The following NHLH1 variants were observed in gnomAD, a reference collection of about 807,000 sequenced individuals.
The protein encoded by NHLH1 is helix-loop-helix protein 1.
In NHLH1, 3 loss-of-function variants were observed where a neutral mutation model predicts 6.7. The observed-to-expected ratio is 0.44, with a 90% CI of 0.20 to 1.15. The LOEUF is 1.15. Among genes scored for constraint, NHLH1 ranks in the 50% most tolerant of loss-of-function variants. The pLI, the probability that NHLH1 is intolerant of heterozygous loss-of-function variation, is 0.26. For missense variants in NHLH1, 177 were observed against 189.5 expected (o/e 0.93, Z 0.39); for synonymous variants, 92 against 84.2 (o/e 1.09, Z -0.51).
At chr1:160,367,941 C>T (rs1403064265) in intron 1 of NHLH1, among the ~76,000 whole-genome samples, 1 of 141,342 alleles carries the variant, frequency 7.1e-6, no homozygotes, top group East Asian at 1.9e-4. Flanking sequence ...GCCATCCCCC[C>T]ATAGTTCATT....
intron 1 of NHLH1, among the ~76,000 whole-genome samples, chr1:160,368,361 C>T (rs1437279833): frequency 6.6e-6 from 1 of 152,176 alleles, no homozygotes; most frequent in Non-Finnish European, 1.5e-5. Context: ...CTCCTCTGGT[C>T]CTAGGACAAG....
At chr1:160,367,831 G>A (rs1324063142) in intron 1 of NHLH1, among the ~76,000 whole-genome samples, 2 of 152,164 alleles carry the variant, frequency 1.3e-5, no homozygotes, top group Admixed American at 1.3e-4. Flanking sequence ...TGGGAACTCC[G>A]CAGCTGAACT....
At position 160,372,368 on chromosome 1, in the gene NHLH1, T is replaced by TGTAC. The variant is rs1372202915; in HGVS notation, c.*1235_*1236insGTAC. The TGTAC allele has an allele frequency of 1.1e-3, 132 of 125,178 alleles. No individual in the cohort carries two copies. Among genetic ancestry groups the TGTAC allele is most frequent in the Middle Eastern group, 4.4e-3 (1 of 226 alleles). The allele number at this position is 125,178 out of a possible 1,614,324, so 7.8% of individuals were successfully genotyped here. ...ATTTATTTATTTATTCATCTATTTATTTACTTATTTATTTATTTATAAATA... is the reference window on the plus strand; with the variant it reads ...ATTTATTTATTTATTCATCTATTTATGTACTTACTTATTTATTTATTTATAAATA... On this transcript the variant is annotated 3_prime_UTR_variant, in exon 2 of 2. Transcript: ENST00000302101.
chr1:160,367,547 T>C (rs1649516109), intron 1 of NHLH1, among the ~76,000 whole-genome samples: 1 of 152,054 alleles, frequency 6.6e-6, no homozygotes, highest in African/African-American at 2.4e-5. Context: ...GGGTGGGAAG[T>C]CCTGTCCTGC....
chr1:160,369,180 A>G (rs957385949), intron 1 of NHLH1, among the ~76,000 whole-genome samples: 1 of 152,230 alleles, frequency 6.6e-6, no homozygotes, highest in Non-Finnish European at 1.5e-5. Context: ...TACCTCATAT[A>G]AGTGGAGCTA....
Position 160,371,034 on chromosome 1 carries a change from G to T in NHLH1, c.303G>T (p.Leu101=), listed in dbSNP as rs1384566683. 1 of 1,614,068 alleles carries T rather than the reference G, an allele frequency of 6.2e-7. No homozygotes were observed. Among genetic ancestry groups the T allele is most frequent in the Non-Finnish European group, 8.5e-7 (1 of 1,179,986 alleles). ...TGGCCTTCGCCGAGCTGCGCAAGCT[G>T]CTGCCTACGCTGCCCCCCGACAAGA... is the stretch of plus-strand genomic sequence containing the variant. ...FNLAFAELRK[L]LPTLPPDKKL... Residue 101 remains leucine (L), a synonymous_variant, in exon 2 of 2, where the codon CTG becomes CTT. Coordinates refer to ENST00000302101, the MANE Select transcript of NHLH1 (RefSeq NM_005598.4).
chr1:160,367,840 C>T (rs981358490), intron 1 of NHLH1, among the ~76,000 whole-genome samples: 1 of 152,168 alleles, frequency 6.6e-6, no homozygotes, highest in Admixed American at 6.5e-5. Context: ...CGCAGCTGAA[C>T]TCCTGCTCCC....
At chr1:160,368,716 C>T (rs995082745) in intron 1 of NHLH1, among the ~76,000 whole-genome samples, 5 of 152,118 alleles carry the variant, frequency 3.3e-5, no homozygotes, top group Admixed American at 2.0e-4. Context: ...GGGGCAGCTG[C>T]GCAGAGCTCC....
chr1:160,370,374 G>C (rs1649594241), intron 1 of NHLH1, among the ~76,000 whole-genome samples, 183 bp from the exon 2 acceptor site: 1 of 150,802 alleles, frequency 6.6e-6, no homozygotes, highest in South Asian at 2.1e-4. Flanking sequence ...CTTTCACCCT[G>C]TCCACCTGCC....
rs1649638396 is a variant in NHLH1, at chr1:160,371,963, G to T, written c.*830G>T. 6.0e-6 allele frequency: 1 copy of T among 166,802 alleles called. No individual in the cohort carries two copies. Among genetic ancestry groups the T allele is most frequent in the Non-Finnish European group, 1.5e-5 (1 of 68,114 alleles). 10.3% of individuals were successfully genotyped at this position (166,802 alleles called of 1,614,324 possible). A position where few individuals can be genotyped will look rare whatever the true frequency, so the allele number is the denominator to read the frequency against. On this transcript the variant is annotated 3_prime_UTR_variant, in exon 2 of 2. Transcript: ENST00000302101. The stretch of plus-strand genomic sequence containing the variant: ...AAACAGCCCGGAGTATTTGCAGAAG[G>T]CTCAGGCAACGAGTGGGCCACATCT...
intron 1 of NHLH1, among the ~76,000 whole-genome samples, chr1:160,367,674 G>A (rs907763515): frequency 7.5e-4 from 114 of 152,270 alleles, no homozygotes; most frequent in African/African-American, 2.6e-3. Context: ...TGGAACTGGG[G>A]AGGACAATGG....
rs1202111268 is a variant in NHLH1, at chr1:160,370,565, C to G, written c.-167C>G. 1 of 634,190 alleles carries G rather than the reference C, an allele frequency of 1.6e-6. No individual in the cohort carries two copies. Among genetic ancestry groups the G allele is most frequent in the Non-Finnish European group, 2.8e-6 (1 of 359,140 alleles). 39.3% of individuals were successfully genotyped at this position (634,190 alleles called of 1,614,324 possible). A position where few individuals can be genotyped will look rare whatever the true frequency, so the allele number is the denominator to read the frequency against. On this transcript the variant is annotated 5_prime_UTR_variant, in exon 2 of 2. Coordinates refer to ENST00000302101, the MANE Select transcript of NHLH1 (RefSeq NM_005598.4). ...TCTCTTCTCTTTTTCAGGCTTCAGA[C>G]TGGCACCCTGACCATGGAACCCTGA...
In NHLH1 at chr1:160,371,294, C is replaced by T. The variant is rs1649620970; in HGVS notation, c.*161C>T. ...CACCGGCTGGTCATGAGGGCCTCTTCCTTTCTCTGACCCAGGCACCTCGAG... is the reference window on the plus strand; with the variant it reads ...CACCGGCTGGTCATGAGGGCCTCTTTCTTTCTCTGACCCAGGCACCTCGAG... On this transcript the variant is annotated 3_prime_UTR_variant, in exon 2 of 2. Coordinates refer to ENST00000302101, the MANE Select transcript of NHLH1 (RefSeq NM_005598.4). 8.4e-7 allele frequency: 1 copy of T among 1,184,870 alleles called. No individual in the cohort carries two copies. Among genetic ancestry groups the T allele is most frequent in the South Asian group, 1.8e-5 (1 of 56,978 alleles). The allele number at this position is 1,184,870 out of a possible 1,614,324, so 73.4% of individuals were successfully genotyped here. A position where few individuals can be genotyped will look rare whatever the true frequency, so the allele number is the denominator to read the frequency against.
rs1649652502 is a variant in NHLH1, at chr1:160,372,557, C to T, written c.*1424C>T. On this transcript the variant is annotated 3_prime_UTR_variant, in exon 2 of 2. Transcript: ENST00000302101. ...TGCCCTTTGCTTGCCACACCATATC[C>T]TTTCCCCAGATCCACCTGTCCTGAC... 2 of 166,890 alleles carry T rather than the reference C, an allele frequency of 1.2e-5. No homozygotes were observed. Among genetic ancestry groups the T allele is most frequent in the Admixed American group, 1.3e-4 (2 of 15,250 alleles). 10.3% of individuals were successfully genotyped at this position (166,890 alleles called of 1,614,324 possible).
Position 160,371,086 on chromosome 1 carries a change from C to G in NHLH1, c.355C>G (p.Leu119Val). Residue 119 changes from leucine to valine, a missense_variant, in exon 2 of 2, where the codon CTG becomes GTG. By Grantham distance (32) the Leu-to-Val change is conservative (BLOSUM62 1). Transcript: ENST00000302101. ...GCTCTCCAAGATTGAGATTCTGCGC[C>G]TGGCCATCTGCTATATCTCCTACCT... is the stretch of plus-strand genomic sequence containing the variant. The part of the protein sequence containing the change: ...KKLSKIEILR[L>V]AICYISYLNH... The G allele has an allele frequency of 6.2e-7, 1 of 1,613,890 alleles. No homozygotes were observed. The highest frequency in any genetic ancestry group is 8.5e-7 in the Non-Finnish European group (1 of 1,179,870).
intron 1 of NHLH1, among the ~76,000 whole-genome samples, chr1:160,368,858 C>A (rs1649557449): frequency 6.6e-6 from 1 of 152,210 alleles, no homozygotes; most frequent in Non-Finnish European, 1.5e-5. Context: ...CCCCTCACAA[C>A]TGGGAAGCAT....
At position 160,371,280 on chromosome 1, in the gene NHLH1, C is replaced by T. The variant is rs970309695; in HGVS notation, c.*147C>T. On this transcript the variant is annotated 3_prime_UTR_variant, in exon 2 of 2. Coordinates refer to ENST00000302101, the MANE Select transcript of NHLH1 (RefSeq NM_005598.4). ...ACAGGCAGAGAGCCCACCGGCTGGT[C>T]ATGAGGGCCTCTTCCTTTCTCTGAC... 59 of 1,295,684 alleles carry T rather than the reference C, an allele frequency of 4.6e-5. No homozygotes were observed. The African/African-American group carries it at 8.5e-4, about 19-fold the overall frequency. 80.3% of individuals were successfully genotyped at this position (1,295,684 alleles called of 1,614,324 possible).
chr1:160,368,187 A>G (rs1649536454), intron 1 of NHLH1, among the ~76,000 whole-genome samples: 4 of 152,116 alleles, frequency 2.6e-5, no homozygotes, highest in Admixed American at 2.0e-4. Context: ...AGGGCTGGGG[A>G]GGAAGGGGAG....
At position 160,371,868 on chromosome 1, in the gene NHLH1, T is replaced by A. The variant is rs557312170; in HGVS notation, c.*735T>A. 6.1e-6 allele frequency: 1 copy of A among 164,852 alleles called. No individual in the cohort carries two copies. Among genetic ancestry groups the A allele is most frequent in the African/African-American group, 2.5e-5 (1 of 40,504 alleles). The allele number at this position is 164,852 out of a possible 1,614,324, so 10.2% of individuals were successfully genotyped here. On this transcript the variant is annotated 3_prime_UTR_variant, in exon 2 of 2. Transcript: ENST00000302101. ...TCTGACTCCTACTGTCCCAATTTTC[T>A]CCCTCCCTGTGTGTCACTAGAGAAA...
Sources: gnomAD v4.1 joint callset for allele counts (sites outside exome capture counted in the v4.1 genomes callset) on GRCh38, gnomAD v4.1.1 for gene constraint, MANE v1.5 for transcripts, NCBI Gene and HGNC (gene_info 2026-07-23, HGNC 2026-07-21) for gene names.